The following UBA2 variants were observed in gnomAD, a reference collection of about 807,000 sequenced individuals.
The protein encoded by UBA2 is SUMO-activating enzyme subunit 2.
UBA2 carries 11 observed loss-of-function variants against 77.2 expected under a neutral mutation model. The ratio of observed to expected loss-of-function variants is 0.14; its 90% CI spans 0.09 to 0.24. The LOEUF is 0.24. Ranked by LOEUF, UBA2 falls within the 10% of genes least tolerant of loss-of-function variation. The pLI is 1.00. For missense variants in UBA2, 487 were observed against 781.7 expected (o/e 0.62, Z 4.50); for synonymous variants, 278 against 276.7 (o/e 1.00, Z -0.05).
chr19:34,469,174 C>T lies in UBA2; in HGVS notation c.1876C>T (p.Arg626Cys), dbSNP rs1002803514. ...AGAGAATCTCAGTGCAAAGAGGTCACGTATAGAACAGAAGGAAGAGCTTGA... is the reference window on the plus strand; with the variant it reads ...AGAGAATCTCAGTGCAAAGAGGTCATGTATAGAACAGAAGGAAGAGCTTGA... ...EKENLSAKRS[R>C]IEQKEELDDV... The change falls in exon 17 of 17, where the codon CGT (arginine) becomes TGT (cysteine). Residue 626 changes from arginine (R) to cysteine (C), a missense_variant. Physicochemically the swap from Arg to Cys is radical, Grantham distance 180 (BLOSUM62 -3). Around this residue, in one of 9 missense-constraint regions of UBA2, gnomAD observed 12 missense variants for 35.3 expected, o/e 0.34. Coordinates refer to ENST00000246548, the MANE Select transcript of UBA2 (RefSeq NM_005499.3). The T allele has an allele frequency of 1.7e-5, 27 of 1,610,752 alleles. No homozygotes were observed. The highest frequency in any genetic ancestry group is 2.7e-5 in the African/African-American group (2 of 74,702).
Position 34,464,036 on chromosome 19 carries a change from C to T in UBA2, c.1509C>T (p.His503=), listed in dbSNP as rs1322485450. The T allele has an allele frequency of 6.2e-7, 1 of 1,611,700 alleles. No homozygotes were observed. The highest frequency in any genetic ancestry group is 1.7e-5 in the Admixed American group (1 of 59,986). The change falls in exon 15 of 17, where the codon CAC becomes CAT. Residue 503 remains histidine, a synonymous_variant. Transcript: ENST00000246548. ...SEEGETEANN[H]KKLSEFGIRN... is the part of the protein sequence containing the mutation. ...ATTCACGTTTCCTAGCTAATAATCA[C>T]AAGAAGTTGTCAGAATTTGGAATTA...
chr19:34,452,000 A>T lies in UBA2; in HGVS notation c.891A>T (p.Ser297=). The change falls in exon 10 of 17, where the codon TCA becomes TCT. Residue 297 remains serine, a synonymous_variant. Transcript: ENST00000246548. The part of the protein sequence containing the change: ...VQSQGEETNA[S]DQQNEPQLGL... Reference sequence around the variant, plus strand: ...CTTTAGGAGAAGAAACGAATGCATCAGATCAACAGAATGAACCCCAGTTAG... The same window carrying T: ...CTTTAGGAGAAGAAACGAATGCATCTGATCAACAGAATGAACCCCAGTTAG... 1 of 1,578,276 alleles carries T rather than the reference A, an allele frequency of 6.3e-7. No individual in the cohort carries two copies. Among genetic ancestry groups the T allele is most frequent in the Non-Finnish European group, 8.6e-7 (1 of 1,162,170 alleles).
chr19:34,431,787 A>C (rs188541932), intron 2 of UBA2, 74 bp from the exon 3 acceptor site: 4 of 1,333,142 alleles, frequency 3.0e-6, no homozygotes, highest in Non-Finnish European at 4.3e-6. Context: ...AGATAACAGC[A>C]TTGTGGCTTC....
intron 1 of UBA2, 40 bp from the exon 2 acceptor site, chr19:34,430,536 G>C: frequency 6.6e-7 from 1 of 1,505,724 alleles, no homozygotes; most frequent in African/African-American, 1.4e-5. Context: ...TCAAACATAC[G>C]TAAACGTTTG....
intron 13 of UBA2, among the ~76,000 whole-genome samples, chr19:34,459,803 C>T (rs2075610786): frequency 6.6e-6 from 1 of 152,112 alleles, no homozygotes; most frequent in African/African-American, 2.4e-5. Flanking sequence ...TAGGGAATGG[C>T]CTTTCTTCCA....
chr19:34,438,799 G>A (rs1176462137), intron 6 of UBA2, 33 bp downstream of exon 6: 5 of 1,608,406 alleles, frequency 3.1e-6, no homozygotes, highest in Non-Finnish European at 4.2e-6. Context: ...ATGCTTTTCG[G>A]TACTGATGAT....
intron 12 of UBA2, among the ~76,000 whole-genome samples, chr19:34,455,799 A>G (rs1195981396): frequency 1.3e-5 from 2 of 151,888 alleles, no homozygotes; most frequent in Non-Finnish European, 2.9e-5. Context: ...GCATGCCACC[A>G]TGCCGGCTAA....
At chr19:34,467,518 TA>T (rs1227019606) in intron 16 of UBA2, among the ~76,000 whole-genome samples, 1 of 151,014 alleles carries the variant, frequency 6.6e-6, no homozygotes, top group Non-Finnish European at 1.5e-5. Flanking sequence ...CTCACACCTG[TA>T]ACCCCAACGC....
At chr19:34,467,424 C>T (rs1599939955) in intron 16 of UBA2, among the ~76,000 whole-genome samples, 2 of 149,872 alleles carry the variant, frequency 1.3e-5, no homozygotes, top group African/African-American at 4.9e-5. Flanking sequence ...GCCATGATTG[C>T]ACCACTGCAC....
chr19:34,429,746 G>T (rs530248072), intron 1 of UBA2, among the ~76,000 whole-genome samples: 57 of 152,124 alleles, frequency 3.7e-4, no homozygotes, highest in African/African-American at 1.3e-3. Context: ...TGTGTCAGGA[G>T]GATCGCTTGA....
At chr19:34,432,198 A>G (rs1420576191) in intron 3 of UBA2, among the ~76,000 whole-genome samples, 5 of 152,202 alleles carry the variant, frequency 3.3e-5, no homozygotes, top group Non-Finnish European at 5.9e-5. Flanking sequence ...AAGTAAGAAG[A>G]TATTTTAAAC....
chr19:34,460,256 G>A (rs1198357376), intron 13 of UBA2, among the ~76,000 whole-genome samples: 1 of 152,148 alleles, frequency 6.6e-6, no homozygotes, highest in African/African-American at 2.4e-5. Context: ...TTGAGATGAA[G>A]TTGGATCTGA....
At chr19:34,453,822 C>T (rs934861638) in intron 10 of UBA2, among the ~76,000 whole-genome samples, 1 of 152,048 alleles carries the variant, frequency 6.6e-6, no homozygotes, top group Non-Finnish European at 1.5e-5. Flanking sequence ...AGCCACCATG[C>T]CCAGCCTAAA....
intron 13 of UBA2, among the ~76,000 whole-genome samples, chr19:34,459,829 G>A (rs1040844478): frequency 1.3e-5 from 2 of 152,192 alleles, no homozygotes; most frequent in Admixed American, 6.5e-5. Flanking sequence ...TGGTTAGGCA[G>A]GACGGATTGA....
At chr19:34,463,988 G>T (rs2075660576) in intron 14 of UBA2, 38 bp from the exon 15 acceptor site, 2 of 1,393,436 alleles carry the variant, frequency 1.4e-6, no homozygotes. Context: ...GCTCTATGAA[G>T]ATGTAACTGA....
intron 10 of UBA2, among the ~76,000 whole-genome samples, chr19:34,453,373 T>TACA (rs1447443992): frequency 6.6e-6 from 1 of 151,954 alleles, no homozygotes; most frequent in African/African-American, 2.4e-5. Flanking sequence ...TCAGGAAAAA[T>TACA]ACAAATCGTA....
intron 15 of UBA2, among the ~76,000 whole-genome samples, chr19:34,466,027 C>T (rs1310221307): frequency 6.6e-6 from 1 of 152,056 alleles, no homozygotes; most frequent in Non-Finnish European, 1.5e-5. Context: ...TAAGACACCA[C>T]ATTACTATAG....
Position 34,438,774 on chromosome 19 carries a change from T to C in UBA2, c.581+8T>C, listed in dbSNP as rs765232649. 6.2e-7 allele frequency: 1 copy of C among 1,612,010 alleles called. No individual in the cohort carries two copies. The highest frequency in any genetic ancestry group is 1.3e-5 in the African/African-American group (1 of 74,764). ...GGCAAAGTACTTGTTCAAGTAAGAGTGTATATTTCTTGGCATGCTTTTCGG... is the reference window on the plus strand; with the variant it reads ...GGCAAAGTACTTGTTCAAGTAAGAGCGTATATTTCTTGGCATGCTTTTCGG... On this transcript the variant is annotated splice_region_variant and intron_variant, in intron 6 of 16. Coordinates refer to ENST00000246548, the MANE Select transcript of UBA2 (RefSeq NM_005499.3).
At chr19:34,465,136 G>A (rs1233772669) in intron 15 of UBA2, among the ~76,000 whole-genome samples, 1 of 152,182 alleles carries the variant, frequency 6.6e-6, no homozygotes, top group Non-Finnish European at 1.5e-5. Flanking sequence ...TGACCAGGGT[G>A]CATTTTTGTT....
Sources: gnomAD v4.1 joint callset for allele counts (sites outside exome capture counted in the v4.1 genomes callset) on GRCh38, gnomAD v4.1.1 for gene constraint, gnomAD v4.1.1 regional missense constraint, MANE v1.5 for transcripts, NCBI Gene and HGNC (gene_info 2026-07-23, HGNC 2026-07-21) for gene names.